The following ATRNL1 variants were observed in gnomAD, a reference collection of about 807,000 sequenced individuals.
The protein encoded by ATRNL1 is attractin like 1, also known as attractin-like protein 1.
ATRNL1 carries 95 observed loss-of-function variants against 182.7 expected under a neutral mutation model. That is an observed-to-expected ratio of 0.52 (90% CI 0.44 to 0.62). The LOEUF (loss-of-function observed/expected upper bound fraction) is 0.62. Among genes scored for constraint, ATRNL1 ranks in the 20% least tolerant of loss-of-function variants. ATRNL1 has a pLI of 0.00. For missense variants in ATRNL1, 1,471 were observed against 1,679.5 expected (o/e 0.88, Z 2.17); for synonymous variants, 576 against 568.3 (o/e 1.01, Z -0.19).
At chr10:115,411,454 A>T (rs1242498763) in intron 20 of ATRNL1, among the ~76,000 whole-genome samples, 1 of 152,014 alleles carries the variant, frequency 6.6e-6, no homozygotes, top group African/African-American at 2.4e-5. Context: ...AAAGTCTGTA[A>T]TACATAGTTC....
chr10:115,909,079 G>A (rs1555115223), intron 28 of ATRNL1, among the ~76,000 whole-genome samples: 1 of 152,082 alleles, frequency 6.6e-6, no homozygotes, highest in Non-Finnish European at 1.5e-5. Flanking sequence ...CCACATGCAA[G>A]GAATTCATTC....
intron 26 of ATRNL1, among the ~76,000 whole-genome samples, chr10:115,578,906 T>G (rs1854893677): frequency 6.6e-6 from 1 of 151,710 alleles, no homozygotes; most frequent in Non-Finnish European, 1.5e-5. Flanking sequence ...ATAAGTTTTC[T>G]TACGTTGTAT....
chr10:115,151,830 G>T (rs372091786), intron 5 of ATRNL1, among the ~76,000 whole-genome samples: 8 of 152,042 alleles, frequency 5.3e-5, no homozygotes, highest in African/African-American at 1.9e-4. Context: ...TTTCTTCTAG[G>T]GTTTTTATAG....
chr10:115,728,001 C>T (rs992259628), intron 27 of ATRNL1, among the ~76,000 whole-genome samples: 34 of 150,420 alleles, frequency 2.3e-4, no homozygotes, highest in African/African-American at 7.3e-4. Flanking sequence ...TTCGGCCGGG[C>T]GCGGTGGCTC....
chr10:115,838,131 C>T (rs1274511356), intron 27 of ATRNL1, among the ~76,000 whole-genome samples: 2 of 152,022 alleles, frequency 1.3e-5, no homozygotes, highest in African/African-American at 4.8e-5. Context: ...ATTCAAAATC[C>T]CATAATATTT....
intron 26 of ATRNL1, among the ~76,000 whole-genome samples, chr10:115,554,274 A>G (rs982207739): frequency 6.6e-6 from 1 of 151,590 alleles, no homozygotes; most frequent in South Asian, 2.1e-4. Flanking sequence ...TTATTATTGT[A>G]TTAATTTTCT....
At chr10:115,184,356 A>G (rs1847858560) in intron 8 of ATRNL1, among the ~76,000 whole-genome samples, 1 of 151,408 alleles carries the variant, frequency 6.6e-6, no homozygotes, top group Non-Finnish European at 1.5e-5. Flanking sequence ...AAGATTATAT[A>G]TATATATACA....
intron 26 of ATRNL1, among the ~76,000 whole-genome samples, chr10:115,709,007 A>G (rs7896291): frequency 0.47 from 70,600 of 151,572 alleles, 17,290 homozygotes; most frequent in East Asian, 0.79. Context: ...GGGAACACAC[A>G]TGCTTCGTTG....
intron 20 of ATRNL1, among the ~76,000 whole-genome samples, chr10:115,423,487 C>T (rs1249933617): frequency 2.0e-5 from 3 of 152,118 alleles, no homozygotes; most frequent in Non-Finnish European, 4.4e-5. Context: ...GAGATTGCAC[C>T]ACTGTATTCC....
At chr10:115,530,048 G>A (rs184408434) in intron 25 of ATRNL1, among the ~76,000 whole-genome samples, 85 of 152,168 alleles carry the variant, frequency 5.6e-4, no homozygotes, top group African/African-American at 2.0e-3. Context: ...AACGTAGTAT[G>A]GATCAGTACT....
Position 115,771,300 on chromosome 10 carries a change from G to C in ATRNL1, c.3903+43945G>C, listed in dbSNP as rs1296691156. On this transcript the variant is annotated intron_variant, in intron 27 of 28. Transcript: ENST00000355044. The stretch of plus-strand genomic sequence containing the variant: ...GGCCGGACTGCAGTGGCACTATCTC[G>C]GCTCACTGCAAGCTCCGCCTCCTGG... 4.7e-5 allele frequency among the ~76,000 whole-genome samples: 7 copies of C among 149,854 alleles called. No individual in the cohort carries two copies. In the East Asian group the frequency reaches 1.2e-3, roughly 25 times the overall value.
intron 26 of ATRNL1, among the ~76,000 whole-genome samples, chr10:115,630,870 ACACATT>A (rs1555026156): frequency 1.5e-5 from 2 of 134,898 alleles, no homozygotes; most frequent in African/African-American, 5.5e-5. Context: ...ACACACACAC[ACACATT>A]GGAATTTTTT....
rs1554916855 is a variant in ATRNL1, at chr10:115,281,552, A to G, written c.2233+65A>G. ...CAGATAAATACTGACATAGAAAAGT[A>G]CATTTAGTAAGGACACTACATTTTC... On this transcript the variant is annotated intron_variant, in intron 14 of 28. Transcript: ENST00000355044. 5 of 1,483,846 alleles carry G rather than the reference A, an allele frequency of 3.4e-6. No individual in the cohort carries two copies. The African/African-American group carries it at 4.2e-5, about 13-fold the overall frequency. 91.9% of individuals were successfully genotyped at this position (1,483,846 alleles called of 1,614,324 possible).
At chr10:115,250,723 A>G (rs782101504) in intron 10 of ATRNL1, among the ~76,000 whole-genome samples, 4 of 152,214 alleles carry the variant, frequency 2.6e-5, no homozygotes, top group Non-Finnish European at 5.9e-5. Context: ...GTTCTTGTCC[A>G]CTGGACCCCT....
intron 14 of ATRNL1, among the ~76,000 whole-genome samples, chr10:115,284,296 G>A (rs7923284): frequency 0.041 from 6,171 of 152,044 alleles, 415 homozygotes; most frequent in African/African-American, 0.14. Context: ...AACTATTTTT[G>A]TTCTCACTAA....
chr10:115,487,744 T>C (rs543584311), intron 24 of ATRNL1, among the ~76,000 whole-genome samples: 10 of 152,280 alleles, frequency 6.6e-5, no homozygotes, highest in African/African-American at 2.2e-4. Flanking sequence ...CTGATTGCCC[T>C]GGCCAGAACT....
chr10:115,897,335 G>T (rs1459570405), intron 28 of ATRNL1, among the ~76,000 whole-genome samples: 1 of 152,174 alleles, frequency 6.6e-6, no homozygotes, highest in Non-Finnish European at 1.5e-5. Context: ...CGTTGTTGGA[G>T]GGAGTGGGGC....
intron 26 of ATRNL1, among the ~76,000 whole-genome samples, chr10:115,717,710 C>T (rs1252336297): frequency 6.6e-6 from 1 of 151,914 alleles, no homozygotes; most frequent in Non-Finnish European, 1.5e-5. Context: ...TGCCACTACG[C>T]CCAGCTAATT....
At position 115,448,708 on chromosome 10, in the gene ATRNL1, A is replaced by C. The variant is rs574551451; in HGVS notation, c.3323-13233A>C. 5.7e-4 allele frequency among the ~76,000 whole-genome samples: 87 copies of C among 152,200 alleles called. 2 individuals are homozygous for C. In the South Asian group the frequency reaches 0.018, roughly 31 times the overall value. ...CTGAAGGAAATCAAGACGCACACAA[A>C]AAAAAAACATTTAAAAGATAAACAA... On this transcript the variant is annotated intron_variant, in intron 21 of 28. Coordinates refer to ENST00000355044, the MANE Select transcript of ATRNL1 (RefSeq NM_207303.4).
Sources: allele counts gnomAD v4.1 joint callset (sites outside exome capture counted in the v4.1 genomes callset), GRCh38; gene constraint gnomAD v4.1.1; transcripts MANE v1.5; gene names NCBI Gene and HGNC (gene_info 2026-07-23, HGNC 2026-07-21).